Variants in DNAH6 observed in about 807,000 individuals in gnomAD.
DNAH6 encodes the protein dynein axonemal heavy chain 6.
Under a neutral mutation model 491.4 loss-of-function variants are expected in DNAH6, and 340 were observed. That is an observed-to-expected ratio of 0.69 (90% CI 0.63 to 0.76). The LOEUF (loss-of-function observed/expected upper bound fraction) is 0.76, where lower values mean the gene tolerates loss of function less well. DNAH6 is among the 30% of genes least tolerant of loss of function. The pLI is 0.00. For synonymous variants in DNAH6, 1,603 were observed against 1,686.1 expected, an observed-to-expected ratio of 0.95 and a Z score of 1.21; for missense variants, 4,443 against 4,972.2, an observed-to-expected ratio of 0.89 and a Z score of 3.20.
At chr2:84,675,268 C>G (rs1573446935) in intron 40 of DNAH6, among the ~76,000 whole-genome samples, 1 of 152,086 alleles carries the variant, frequency 6.6e-6, no homozygotes, top group South Asian at 2.1e-4. Context: ...ACCTCCATCT[C>G]CCTCATTTTT....
At chr2:84,478,834 G>A in the DNAH6 span, among the ~76,000 whole-genome samples, 1 of 152,150 alleles carries the variant, frequency 6.6e-6, no homozygotes, top group African/African-American at 2.4e-5. Context: ...GGAGGAAGGA[G>A]GTCACATGAA....
Position 84,641,949 on chromosome 2 carries a change from C to A in DNAH6, c.4973C>A (p.Ser1658Tyr), listed in dbSNP as rs200389898. 2 of 1,548,448 alleles carry A rather than the reference C, an allele frequency of 1.3e-6. No homozygotes were observed. The highest frequency in any genetic ancestry group is 1.2e-5 in the South Asian group (1 of 83,822). ...AVKSVLVMAG[S>Y]LKRENPDLNE... ...CCGAAATATTCCTTTAAATTTAGAT[C>A]TTTAAAAAGAGAAAACCCAGACCTA... The change falls in exon 33 of 77, where the codon TCT becomes TAT. Residue 1658 changes from serine (S) to tyrosine (Y), a missense_variant and splice_region_variant. Coordinates refer to ENST00000389394, the MANE Select transcript of DNAH6 (RefSeq NM_001370.2).
chr2:84,517,744 C>A, intron 1 of DNAH6, 75 bp from the exon 2 acceptor site: 1 of 1,124,036 alleles, frequency 8.9e-7, no homozygotes, highest in Non-Finnish European at 1.3e-6. Context: ...GTCCTTAAGT[C>A]CCTCTCCAGT....
intron 20 of DNAH6, among the ~76,000 whole-genome samples, chr2:84,606,641 A>AG (rs2104301852): frequency 6.6e-6 from 1 of 152,328 alleles, no homozygotes; most frequent in East Asian, 1.9e-4. Flanking sequence ...AGGCAAGCCC[A>AG]GGTGACCAAA....
chr2:84,801,738 G>A (rs1678937995), intron 70 of DNAH6, among the ~76,000 whole-genome samples: 2 of 152,022 alleles, frequency 1.3e-5, no homozygotes, highest in Admixed American at 6.6e-5. Context: ...CAAAAAATTA[G>A]CTGGACGTGG....
At chr2:84,476,291 C>G in the DNAH6 span, among the ~76,000 whole-genome samples, 1 of 152,134 alleles carries the variant, frequency 6.6e-6, no homozygotes, top group Non-Finnish European at 1.5e-5. Flanking sequence ...AATTGCCATG[C>G]TTCAAGGTCT....
At chr2:84,646,325 C>G (rs891591245) in intron 33 of DNAH6, among the ~76,000 whole-genome samples, 2 of 152,112 alleles carry the variant, frequency 1.3e-5, no homozygotes, top group Non-Finnish European at 2.9e-5. Flanking sequence ...TCCCTCTTCT[C>G]TGAGACATAA....
intron 76 of DNAH6, among the ~76,000 whole-genome samples, chr2:84,816,435 A>G (rs1356700656): frequency 6.6e-6 from 1 of 152,194 alleles, no homozygotes; most frequent in Non-Finnish European, 1.5e-5. Context: ...TTTAAAATAA[A>G]TGAATAGGCC....
chr2:84,760,073 C>T (rs1172043467), intron 63 of DNAH6, among the ~76,000 whole-genome samples: 1 of 152,158 alleles, frequency 6.6e-6, no homozygotes, highest in Admixed American at 6.5e-5. Context: ...GAAAAAGACA[C>T]CTCTTTCAGT....
At chr2:84,675,789 G>A (rs1244275919) in intron 40 of DNAH6, among the ~76,000 whole-genome samples, 1 of 152,154 alleles carries the variant, frequency 6.6e-6, no homozygotes, top group Non-Finnish European at 1.5e-5. Context: ...CCCCCGAGTA[G>A]CTGGGACCAC....
At chr2:84,465,022 C>A in the DNAH6 span, among the ~76,000 whole-genome samples, 3 of 152,104 alleles carry the variant, frequency 2.0e-5, no homozygotes, top group East Asian at 3.9e-4. Context: ...GGCAAAGATC[C>A]ATATTCTCTA....
chr2:84,605,495 C>G lies in DNAH6; in HGVS notation c.3082-5C>G, dbSNP rs1012032717. 6.5e-7 allele frequency: 1 copy of G among 1,546,298 alleles called. No individual in the cohort carries two copies. Among genetic ancestry groups the G allele is most frequent in the Non-Finnish European group, 8.8e-7 (1 of 1,142,706 alleles). On this transcript the variant is annotated splice_region_variant and splice_polypyrimidine_tract_variant and intron_variant, in intron 19 of 76. Coordinates refer to ENST00000389394, the MANE Select transcript of DNAH6 (RefSeq NM_001370.2). ...AGATATCCTAAGGCTTGAATTATTT[C>G]TAAGGTGGAGGACTCTTGGAAAACA... is the stretch of plus-strand genomic sequence containing the variant.
At position 84,669,383 on chromosome 2, in the gene DNAH6, A is replaced by G; in HGVS notation, c.6179A>G (p.Asn2060Ser). The G allele has an allele frequency of 6.4e-7, 1 of 1,551,984 alleles. No homozygotes were observed. The highest frequency in any genetic ancestry group is 1.2e-5 in the South Asian group (1 of 84,060). ...CGAATCATACCTACTTTCAAATACA[A>G]CCGAGATGTTCCATTTTTTGAAATG... ...WERIIPTFKYNRDVPFFEMLV... is the reference protein window; with the variant it reads ...WERIIPTFKYSRDVPFFEMLV... The change falls in exon 38 of 77, where the codon AAC becomes AGC. Residue 2060 changes from asparagine to serine, a missense_variant. By Grantham distance (46) the Asn-to-Ser change is conservative. Transcript: ENST00000389394.
intron 72 of DNAH6, among the ~76,000 whole-genome samples, chr2:84,811,725 G>T (rs1679995306): frequency 6.6e-6 from 1 of 152,090 alleles, no homozygotes; most frequent in Admixed American, 6.5e-5. Context: ...TCTGGGCATG[G>T]TGGCACATGC....
rs922557361 is a variant in DNAH6 at position 84,584,150 on chromosome 2, T to C, written c.2381T>C (p.Val794Ala). Residue 794 changes from valine to alanine, a missense_variant, in exon 15 of 77, where the codon GTG (valine) becomes GCG (alanine). Around this residue, in one of 3 missense-constraint regions of DNAH6, gnomAD observed 2,977 missense variants for 3,296.6 expected, o/e 0.90. Coordinates refer to ENST00000389394, the MANE Select transcript of DNAH6 (RefSeq NM_001370.2). ...GTTCGGAATGCCATTGATAAATCAG[T>C]GGGTGATAGAGAATCAAGCATTAAG... is the stretch of plus-strand genomic sequence containing the variant. ...VAVRNAIDKS[V>A]GDRESSIKQF... 1 of 1,614,116 alleles carries C rather than the reference T, an allele frequency of 6.2e-7. No homozygotes were observed. The highest frequency in any genetic ancestry group is 8.5e-7 in the Non-Finnish European group (1 of 1,180,004).
intron 61 of DNAH6, among the ~76,000 whole-genome samples, chr2:84,732,859 G>T (rs1308101268): frequency 6.6e-6 from 1 of 152,208 alleles, no homozygotes; most frequent in Non-Finnish European, 1.5e-5. Context: ...ACTAGTTTCA[G>T]TCTTACAATC....
the DNAH6 span, among the ~76,000 whole-genome samples, chr2:84,464,971 C>T: frequency 1.3e-5 from 2 of 152,122 alleles, no homozygotes; most frequent in Non-Finnish European, 2.9e-5. Context: ...TTTCCCCCCT[C>T]CCTTTTATAA....
intron 68 of DNAH6, among the ~76,000 whole-genome samples, chr2:84,796,035 G>T (rs1055392261): frequency 1.3e-5 from 2 of 152,090 alleles, no homozygotes; most frequent in Admixed American, 6.6e-5. Context: ...AAACAAAAAA[G>T]AAATATGTAA....
At chr2:84,695,348 CATAAT>C (rs140815267) in intron 46 of DNAH6, among the ~76,000 whole-genome samples, 5,609 of 152,074 alleles carry the variant, frequency 0.037, 110 homozygotes, top group Middle Eastern at 0.088. Context: ...GGTAAAAAAT[CATAAT>C]ATACAGAGTT....
Sources: gnomAD v4.1 joint callset for allele counts (sites outside exome capture counted in the v4.1 genomes callset) on GRCh38, gnomAD v4.1.1 for gene constraint, gnomAD v4.1.1 regional missense constraint, MANE v1.5 for transcripts, NCBI Gene and HGNC (gene_info 2026-07-23, HGNC 2026-07-21) for gene names.